Variants in OXCT1 observed in about 807,000 individuals in gnomAD.
OXCT1 encodes succinyl-CoA:3-ketoacid coenzyme A transferase 1, mitochondrial.
A neutral mutation model predicts 69.6 loss-of-function variants in OXCT1; 27 were observed. That is an observed-to-expected ratio of 0.39 (90% CI 0.29 to 0.54). OXCT1 has a LOEUF of 0.54. OXCT1 is among the 20% of genes least tolerant of loss of function. The pLI is 0.72. For missense variants in OXCT1, 437 were observed against 650.2 expected, an observed-to-expected ratio of 0.67 and a Z score of 3.57; for synonymous variants, 202 against 217.8, an observed-to-expected ratio of 0.93 and a Z score of 0.64.
At chr5:41,797,382 AGG>A (rs1746231065) in intron 11 of OXCT1, among the ~76,000 whole-genome samples, 1 of 152,218 alleles carries the variant, frequency 6.6e-6, no homozygotes, top group Admixed American at 6.5e-5. Flanking sequence ...TTTTGAAGCA[AGG>A]TTAATTTTCA....
At chr5:41,748,894 A>T (rs1743634814) in intron 15 of OXCT1, among the ~76,000 whole-genome samples, 2 of 152,084 alleles carry the variant, frequency 1.3e-5, no homozygotes, top group Admixed American at 1.3e-4. Context: ...ATTCCGACAT[A>T]CTAGGTTCAA....
intron 14 of OXCT1, among the ~76,000 whole-genome samples, chr5:41,759,071 A>G (rs373983293): frequency 1.9e-4 from 28 of 148,616 alleles, no homozygotes; most frequent in East Asian, 5.9e-4. Context: ...AAGCAAAGAG[A>G]GCTTTGTCCA....
intron 12 of OXCT1, chr5:41,794,417 A>G (rs1455627994): frequency 3.4e-6 from 2 of 596,972 alleles, no homozygotes; most frequent in African/African-American, 1.9e-5. Context: ...ATCCTCAGAA[A>G]GCACCTTAGA....
intron 8 of OXCT1, 151 bp from the exon 9 acceptor site, chr5:41,805,832 G>T (rs780089600): frequency 6.6e-5 from 43 of 656,232 alleles, no homozygotes; most frequent in Non-Finnish European, 1.0e-4. Context: ...AAAATACTAT[G>T]GGTGATATTT....
At chr5:41,741,946 A>G (rs1232311389) in intron 15 of OXCT1, among the ~76,000 whole-genome samples, 4 of 152,336 alleles carry the variant, frequency 2.6e-5, no homozygotes, top group Non-Finnish European at 4.4e-5. Flanking sequence ...CTTTGCAGAA[A>G]ATGTATCTGG....
chr5:41,766,563 T>C (rs1744610552), intron 13 of OXCT1, among the ~76,000 whole-genome samples: 1 of 139,020 alleles, frequency 7.2e-6, no homozygotes, highest in Non-Finnish European at 1.6e-5. Context: ...TATTACATTG[T>C]ACTCCAAAAA....
intron 16 of OXCT1, among the ~76,000 whole-genome samples, chr5:41,736,027 C>G (rs1742869311): frequency 6.6e-6 from 1 of 152,190 alleles, no homozygotes; most frequent in South Asian, 2.1e-4. Context: ...TGGCTGTACA[C>G]CTAGGCCACA....
intron 15 of OXCT1, among the ~76,000 whole-genome samples, chr5:41,748,501 G>C (rs1197474606): frequency 1.3e-5 from 2 of 152,042 alleles, no homozygotes; most frequent in Non-Finnish European, 2.9e-5. Flanking sequence ...CATAGTTTTA[G>C]GGGGATTCAA....
intron 16 of OXCT1, among the ~76,000 whole-genome samples, chr5:41,733,167 T>C (rs1742718755): frequency 6.6e-6 from 1 of 152,056 alleles, no homozygotes; most frequent in Non-Finnish European, 1.5e-5. Context: ...ATTTAGTATT[T>C]AGATAAGTAT....
At chr5:41,805,544 G>A (rs779512511) in intron 9 of OXCT1, 23 bp downstream of exon 9, 39 of 1,511,590 alleles carry the variant, frequency 2.6e-5, no homozygotes, top group African/African-American at 1.5e-4. Flanking sequence ...GTCTTTGCCC[G>A]GGCTCAGAAG....
intron 7 of OXCT1, among the ~76,000 whole-genome samples, chr5:41,810,896 G>A (rs1746948460): frequency 6.6e-6 from 1 of 151,968 alleles, no homozygotes; most frequent in South Asian, 2.1e-4. Context: ...CTCTGTGTAC[G>A]ATACAAAGTA....
chr5:41,804,684 A>G (rs74879929), intron 9 of OXCT1, among the ~76,000 whole-genome samples: 1,704 of 152,170 alleles, frequency 0.011, 30 homozygotes, highest in Middle Eastern at 0.034. Flanking sequence ...CAAGGTATAA[A>G]CTGAAAAATG....
chr5:41,864,812 TA>T (rs1749889418), intron 1 of OXCT1, among the ~76,000 whole-genome samples: 2 of 152,226 alleles, frequency 1.3e-5, no homozygotes, highest in Non-Finnish European at 2.9e-5. Context: ...TGATATAAAA[TA>T]AATCTTTGTG....
intron 7 of OXCT1, among the ~76,000 whole-genome samples, chr5:41,838,133 G>A (rs1308557378): frequency 6.6e-6 from 1 of 152,060 alleles, no homozygotes; most frequent in Admixed American, 6.6e-5. Context: ...AGCAAGATAG[G>A]GCTTGAAAAG....
intron 7 of OXCT1, among the ~76,000 whole-genome samples, chr5:41,827,304 G>C (rs1434070660): frequency 6.6e-6 from 1 of 152,140 alleles, no homozygotes; most frequent in Non-Finnish European, 1.5e-5. Context: ...GAAAGTCATA[G>C]AGAGACTCAG....
chr5:41,755,789 A>C (rs1044945712), intron 14 of OXCT1, among the ~76,000 whole-genome samples: 1 of 152,150 alleles, frequency 6.6e-6, no homozygotes, highest in African/African-American at 2.4e-5. Flanking sequence ...AAGGTGAAGA[A>C]ATAAAGAACA....
At chr5:41,752,465 G>A (rs1426526098) in intron 14 of OXCT1, among the ~76,000 whole-genome samples, 2 of 152,010 alleles carry the variant, frequency 1.3e-5, no homozygotes, top group Non-Finnish European at 2.9e-5. Context: ...CATTAAAAAT[G>A]CTTTGTGCAT....
intron 14 of OXCT1, among the ~76,000 whole-genome samples, chr5:41,752,214 A>G (rs1479968355): frequency 6.6e-6 from 1 of 152,044 alleles, no homozygotes; most frequent in East Asian, 1.9e-4. Flanking sequence ...CTGCCATACA[A>G]TTTTTGTGGT....
intron 7 of OXCT1, among the ~76,000 whole-genome samples, chr5:41,830,962 C>T (rs1748068707): frequency 6.6e-6 from 1 of 152,114 alleles, no homozygotes; most frequent in African/African-American, 2.4e-5. Flanking sequence ...TCATAGGATC[C>T]ACTTTAGTGC....
Sources: gnomAD v4.1 joint callset for allele counts (sites outside exome capture counted in the v4.1 genomes callset) on GRCh38, gnomAD v4.1.1 for gene constraint, MANE v1.5 for transcripts, NCBI Gene and HGNC (gene_info 2026-07-23, HGNC 2026-07-21) for gene names.